ARHGEF3: variants seen among roughly 807,000 people sequenced by gnomAD.
ARHGEF3 encodes Rho guanine nucleotide exchange factor 3.
A neutral mutation model predicts 63.2 loss-of-function variants in ARHGEF3; 28 were observed. The observed-to-expected ratio is 0.44, with a 90% confidence interval of 0.33 to 0.61. ARHGEF3 has a LOEUF of 0.61. Ranked by LOEUF, ARHGEF3 falls within the 20% of genes least tolerant of loss-of-function variation. The probability of loss-of-function intolerance (pLI) is 0.03; values close to 1 mark genes in which losing one functional copy is unlikely to be tolerated. For synonymous variants in ARHGEF3, 266 were observed against 254.2 expected, an observed-to-expected ratio of 1.05 and a Z score of -0.44; for missense variants, 533 against 659.3, an observed-to-expected ratio of 0.81 and a Z score of 2.10.
chr3:57,039,570 A>G (rs1028560111), intron 1 of ARHGEF3, among the ~76,000 whole-genome samples: 1 of 152,162 alleles, frequency 6.6e-6, no homozygotes, highest in African/African-American at 2.4e-5. Flanking sequence ...CTCCTCTCAT[A>G]GCAATGTAGG....
intron 2 of ARHGEF3, among the ~76,000 whole-genome samples, chr3:56,980,511 G>A (rs1560104921): frequency 6.6e-6 from 1 of 152,174 alleles, no homozygotes; most frequent in Non-Finnish European, 1.5e-5. Flanking sequence ...ACCATATATA[G>A]TACCTACGTA....
exon 1 of ARHGEF3, chr3:57,079,261 GAA>G (rs923314505): frequency 4.6e-5 from 16 of 346,594 alleles, no homozygotes; most frequent in African/African-American, 3.2e-4. Flanking sequence ...CTCCAGGCTG[GAA>G]AACTCACCGC....
At chr3:56,850,770 C>G (rs896504331) in intron 4 of ARHGEF3, among the ~76,000 whole-genome samples, 13 of 152,186 alleles carry the variant, frequency 8.5e-5, no homozygotes, top group Admixed American at 5.2e-4. Context: ...GGGGCTCACA[C>G]TCTAGTTTCA....
chr3:57,007,969 G>A (rs1002977056), intron 2 of ARHGEF3, among the ~76,000 whole-genome samples: 1 of 152,156 alleles, frequency 6.6e-6, no homozygotes. Flanking sequence ...TGCTTAGCTG[G>A]GCACCTTGGG....
At chr3:56,767,609 G>T (rs912042262) in intron 2 of ARHGEF3, among the ~76,000 whole-genome samples, 1 of 138,832 alleles carries the variant, frequency 7.2e-6, no homozygotes, top group Non-Finnish European at 1.5e-5. Flanking sequence ...AAAAAAAAAT[G>T]CACATGCAAG....
At chr3:56,909,250 G>A (rs1408926846) in intron 3 of ARHGEF3, among the ~76,000 whole-genome samples, 1 of 152,236 alleles carries the variant, frequency 6.6e-6, no homozygotes, top group Non-Finnish European at 1.5e-5. Flanking sequence ...ATGAACTCAG[G>A]AAGGCAGAGG....
chr3:56,968,564 A>C (rs1700768850), intron 2 of ARHGEF3, among the ~76,000 whole-genome samples: 1 of 149,556 alleles, frequency 6.7e-6, no homozygotes, highest in Non-Finnish European at 1.5e-5. Context: ...CTTGGGCTCA[A>C]GCAATCCTCC....
chr3:57,071,772 T>A (rs1031050537), intron 1 of ARHGEF3, among the ~76,000 whole-genome samples: 3 of 151,752 alleles, frequency 2.0e-5, no homozygotes, highest in Non-Finnish European at 2.9e-5. Flanking sequence ...AATAGATAAA[T>A]TGAACTTCAC....
chr3:56,846,392 A>G (rs1486067549), intron 4 of ARHGEF3, among the ~76,000 whole-genome samples: 1 of 129,138 alleles, frequency 7.7e-6, no homozygotes, highest in African/African-American at 2.9e-5. Context: ...AGTGGGCTTC[A>G]AGTGCAACGA....
chr3:56,858,828 T>C (rs1578693891), intron 4 of ARHGEF3, among the ~76,000 whole-genome samples: 1 of 151,784 alleles, frequency 6.6e-6, no homozygotes, highest in South Asian at 2.1e-4. Flanking sequence ...GGTTGGCAGG[T>C]GGGCAGGAGC....
intron 2 of ARHGEF3, among the ~76,000 whole-genome samples, chr3:56,756,800 C>T (rs1178770793): frequency 3.9e-5 from 6 of 152,146 alleles, no homozygotes; most frequent in Non-Finnish European, 5.9e-5. Flanking sequence ...CCGCCCGCCT[C>T]GGCCTCCCGA....
chr3:56,977,984 A>G (rs1454439148), intron 2 of ARHGEF3, among the ~76,000 whole-genome samples: 1 of 152,134 alleles, frequency 6.6e-6, no homozygotes, highest in Non-Finnish European at 1.5e-5. Context: ...ACAGCCTGAC[A>G]GTAGAGACAA....
intron 3 of ARHGEF3, among the ~76,000 whole-genome samples, chr3:56,920,307 T>C (rs974977844): frequency 2.0e-5 from 3 of 152,190 alleles, no homozygotes; most frequent in Admixed American, 6.5e-5. Context: ...ACCCCTCTTG[T>C]TGGGCTCTAA....
At chr3:56,887,311 G>A (rs1157815469) in intron 3 of ARHGEF3, among the ~76,000 whole-genome samples, 7 of 152,298 alleles carry the variant, frequency 4.6e-5, no homozygotes, top group African/African-American at 7.2e-5. Flanking sequence ...AGGGCGTCCC[G>A]CTGCCTAGAA....
intron 4 of ARHGEF3, among the ~76,000 whole-genome samples, chr3:56,863,338 C>T (rs929822290): frequency 7.6e-5 from 11 of 144,316 alleles, no homozygotes; most frequent in South Asian, 4.5e-4. Flanking sequence ...CTCACTGTGT[C>T]GCCCAGGCTG....
Position 57,011,365 on chromosome 3 carries a change from T to C in ARHGEF3, c.62+23723A>G, listed in dbSNP as rs534369251. Among the ~76,000 whole-genome samples the C allele has an allele frequency of 1.3e-3, 201 of 152,328 alleles. 1 individual carries two copies. The highest frequency in any genetic ancestry group is 4.6e-3 in the African/African-American group (190 of 41,568). ...ACTGATGACAGCAATCCAAGTTGGA[T>C]AGAGTTGCTCTCAATCCCCACTGCC... On this transcript the variant is annotated intron_variant, in intron 2 of 12. Transcript: ENST00000338458.
chr3:56,870,728 C>T (rs1416276719), intron 4 of ARHGEF3, among the ~76,000 whole-genome samples: 8 of 151,820 alleles, frequency 5.3e-5, no homozygotes, highest in Admixed American at 5.2e-4. Context: ...GACTTGGGGG[C>T]ATATGGGAAT....
At position 56,758,158 on chromosome 3, in the gene ARHGEF3, G is replaced by T. The variant is rs148119960; in HGVS notation, c.205-3007C>A. Among the ~76,000 whole-genome samples the T allele has an allele frequency of 9.5e-3, 1,438 of 151,884 alleles. 14 individuals carry two copies. Among genetic ancestry groups the T allele is most frequent in the African/African-American group, 0.033 (1,366 of 41,506 alleles). ...TAGCTGGACGTGATGGTAGGTGCCT[G>T]TAATCCCAGCTACTTGGGAAGCTGA... On this transcript the variant is annotated intron_variant, in intron 2 of 9. Coordinates refer to ENST00000296315, the MANE Select transcript of ARHGEF3 (RefSeq NM_019555.3).
At chr3:57,064,685 A>G (rs1705427311) in intron 1 of ARHGEF3, among the ~76,000 whole-genome samples, 1 of 152,226 alleles carries the variant, frequency 6.6e-6, no homozygotes. Context: ...TAAGCCAGTC[A>G]CAAAAGGACA....
Sources: gnomAD v4.1 joint callset for allele counts (sites outside exome capture counted in the v4.1 genomes callset) on GRCh38, gnomAD v4.1.1 for gene constraint, MANE v1.5 for transcripts, NCBI Gene and HGNC (gene_info 2026-07-23, HGNC 2026-07-21) for gene names.